Variants in AGAP1 observed in about 807,000 individuals in gnomAD.
The protein encoded by AGAP1 is arf-GAP with GTPase, ANK repeat and PH domain-containing protein 1.
A neutral mutation model predicts 105.3 loss-of-function variants in AGAP1; 29 were observed. The ratio of observed to expected loss-of-function variants is 0.28; its 90% confidence interval spans 0.21 to 0.38. AGAP1 has a LOEUF of 0.38. Ranked by LOEUF, AGAP1 falls within the 10% of genes least tolerant of loss-of-function variation. The pLI is 1.00. For missense variants in AGAP1, 998 were observed against 1,165.1 expected (o/e 0.86, Z 2.09); for synonymous variants, 509 against 485.9 (o/e 1.05, Z -0.63).
At position 236,123,552 on chromosome 2, in the gene AGAP1, A is replaced by C. The variant is rs983133481; in HGVS notation, c.2371-367A>C. Among the ~76,000 whole-genome samples, 4 of 152,022 alleles carry C rather than the reference A, an allele frequency of 2.6e-5. No homozygotes were observed. Among genetic ancestry groups the C allele is most frequent in the Non-Finnish European group, 4.4e-5 (3 of 67,986 alleles). On this transcript the variant is annotated intron_variant, in intron 17 of 17. Coordinates refer to ENST00000304032, the MANE Select transcript of AGAP1 (RefSeq NM_001037131.3). This position sits in a 1 kb window ranked among gnomAD's most constrained non-coding sequence, Gnocchi z 4.6. Reference sequence around the variant, plus strand: ...TTATGGGTGATTTTTTTTCTTCTTGAGCTGTTATGTGTTATTTGTGTATTT... The same window carrying C: ...TTATGGGTGATTTTTTTTCTTCTTGCGCTGTTATGTGTTATTTGTGTATTT...
chr2:236,085,826 T>C (rs2058915161), intron 16 of AGAP1, among the ~76,000 whole-genome samples: 2 of 152,214 alleles, frequency 1.3e-5, no homozygotes, highest in Admixed American at 6.5e-5. Context: ...CGGCTTCCTT[T>C]GTGAAGGCAA....
intron 8 of AGAP1, 69 bp from the exon 9 acceptor site, chr2:235,807,170 A>C: frequency 6.7e-7 from 1 of 1,497,844 alleles, no homozygotes; most frequent in Non-Finnish European, 9.1e-7. Context: ...GAATTCTGCA[A>C]ACAGGGGCAG....
Position 236,104,983 on chromosome 2 carries a change from T to C in AGAP1, c.2115-15209T>C, listed in dbSNP as rs1198593394. On this transcript the variant is annotated intron_variant, in intron 16 of 17. Coordinates refer to ENST00000304032, the MANE Select transcript of AGAP1 (RefSeq NM_001037131.3). The surrounding 1 kb of genome is among the most constrained non-coding windows in gnomAD (Gnocchi z 4.7). The stretch of plus-strand genomic sequence containing the variant: ...GGATGCCCGTCTAAGCCTGTGCCCA[T>C]AGCTCTGACTGGATTTCACCAACTC... 1.3e-5 allele frequency among the ~76,000 whole-genome samples: 2 copies of C among 151,964 alleles called. No homozygotes were observed. The highest frequency in any genetic ancestry group is 2.9e-5 in the Non-Finnish European group (2 of 68,024).
intron 13 of AGAP1, among the ~76,000 whole-genome samples, chr2:236,031,244 T>A (rs1192800674): frequency 6.6e-6 from 1 of 152,114 alleles, no homozygotes; most frequent in Admixed American, 6.5e-5. Flanking sequence ...GGAGGAACAT[T>A]AACTAAACTT....
intron 1 of AGAP1, among the ~76,000 whole-genome samples, chr2:235,693,027 TTCC>T (rs1949812922): frequency 1.3e-5 from 2 of 152,070 alleles, no homozygotes; most frequent in Non-Finnish European, 2.9e-5. Context: ...GAGTGTCAGA[TTCC>T]ACTTGCTGGC....
chr2:235,755,052 C>T (rs905909898), intron 6 of AGAP1, among the ~76,000 whole-genome samples: 1 of 152,104 alleles, frequency 6.6e-6, no homozygotes, highest in Non-Finnish European at 1.5e-5. Context: ...GCTGTGGGTA[C>T]CCAACCGTTT....
At chr2:235,500,028 A>G (rs1444196489) in intron 1 of AGAP1, among the ~76,000 whole-genome samples, 1 of 151,840 alleles carries the variant, frequency 6.6e-6, no homozygotes, top group Non-Finnish European at 1.5e-5. Context: ...CACCTTTTGG[A>G]TTTGGTGGGC....
rs879872106 is a variant in AGAP1, at chr2:235,692,577, C to G, written c.164-16602C>G. Among the ~76,000 whole-genome samples, 7 of 152,002 alleles carry G rather than the reference C, an allele frequency of 4.6e-5. No individual in the cohort carries two copies. Among genetic ancestry groups the G allele is most frequent in the South Asian group, 2.1e-4 (1 of 4,814 alleles). ...CTATGCTCTCCCCCCTTGCCCTCCC[C>G]CCTTGCCTTCCTGGGCCATCCTTTT... is the stretch of plus-strand genomic sequence containing the variant. On this transcript the variant is annotated intron_variant, in intron 1 of 17. Transcript: ENST00000304032. This position sits in a 1 kb window ranked among gnomAD's most constrained non-coding sequence, Gnocchi z 5.8.
At chr2:235,512,458 G>A (rs989335742) in intron 1 of AGAP1, among the ~76,000 whole-genome samples, 9 of 152,270 alleles carry the variant, frequency 5.9e-5, no homozygotes, top group South Asian at 4.1e-4. Context: ...ACCCAGGTGT[G>A]TTGGTGCTGC....
intron 12 of AGAP1, among the ~76,000 whole-genome samples, chr2:235,945,211 C>CT (rs1443044355): frequency 6.6e-6 from 1 of 152,210 alleles, no homozygotes; most frequent in Non-Finnish European, 1.5e-5. Flanking sequence ...CGCCATTCTC[C>CT]TGCCTCAGCC....
At chr2:235,575,887 G>A (rs1016004410) in intron 1 of AGAP1, among the ~76,000 whole-genome samples, 8 of 152,164 alleles carry the variant, frequency 5.3e-5, no homozygotes, top group East Asian at 3.9e-4. Context: ...GTCTGCTGTC[G>A]ACATCAGATA....
At chr2:235,657,940 G>C (rs1947827667) in intron 1 of AGAP1, among the ~76,000 whole-genome samples, 1 of 152,184 alleles carries the variant, frequency 6.6e-6, no homozygotes, top group Admixed American at 6.5e-5. Flanking sequence ...ACAGGGGGAA[G>C]ACGGCATGTC....
chr2:236,006,154 GATTATT>G (rs2056315603), intron 13 of AGAP1, among the ~76,000 whole-genome samples: 1 of 151,846 alleles, frequency 6.6e-6, no homozygotes, highest in South Asian at 2.1e-4. Context: ...CTGTGGCCCA[GATTATT>G]CCACCCGTGG....
chr2:235,909,044 C>T (rs1254050512), intron 11 of AGAP1, 138 bp downstream of exon 11: 16 of 837,322 alleles, frequency 1.9e-5, no homozygotes, highest in Non-Finnish European at 2.7e-5. Flanking sequence ...AACCTGATCA[C>T]TTCTGTGGCT....
rs1175638631 is a variant in AGAP1 at position 236,092,986 on chromosome 2, A to G, written c.2115-27206A>G. On this transcript the variant is annotated intron_variant, in intron 16 of 17. Coordinates refer to ENST00000304032, the MANE Select transcript of AGAP1 (RefSeq NM_001037131.3). This position sits in a 1 kb window ranked among gnomAD's most constrained non-coding sequence, Gnocchi z 4.7. The stretch of plus-strand genomic sequence containing the variant: ...TGGAACAATTGAAGCATCTAAAAGA[A>G]TAGTGTTGGTGGCAGTTTATGTGAC... 6.6e-6 allele frequency among the ~76,000 whole-genome samples: 1 copy of G among 152,222 alleles called. No individual in the cohort carries two copies. Among genetic ancestry groups the G allele is most frequent in the African/African-American group, 2.4e-5 (1 of 41,460 alleles).
intron 12 of AGAP1, among the ~76,000 whole-genome samples, chr2:235,941,019 G>A (rs2053234529): frequency 6.6e-6 from 1 of 152,204 alleles, no homozygotes; most frequent in Non-Finnish European, 1.5e-5. Flanking sequence ...GATTCTGCCA[G>A]TTTTATATGA....
At chr2:235,683,863 C>G (rs1045593830) in intron 1 of AGAP1, among the ~76,000 whole-genome samples, 1 of 150,836 alleles carries the variant, frequency 6.6e-6, no homozygotes. Context: ...CCGTCCCCCG[C>G]CCGGCCCCAG....
chr2:235,882,580 A>T lies in AGAP1; in HGVS notation c.1051-765A>T. ...CTGGGTTCAAGCAATTCCCCTGCTCAGCCTCCCCGAGTAGCTGGGATTATA... is the reference window on the plus strand; with the variant it reads ...CTGGGTTCAAGCAATTCCCCTGCTCTGCCTCCCCGAGTAGCTGGGATTATA... On this transcript the variant is annotated intron_variant, in intron 9 of 17. Transcript: ENST00000304032. This position sits in a 1 kb window ranked among gnomAD's most constrained non-coding sequence, Gnocchi z 4.6. 1.8e-6 allele frequency: 1 copy of T among 553,300 alleles called. No homozygotes were observed. Among genetic ancestry groups the T allele is most frequent in the Non-Finnish European group, 3.2e-6 (1 of 315,182 alleles). 34.3% of individuals were successfully genotyped at this position (553,300 alleles called of 1,614,324 possible). A position where few individuals can be genotyped will look rare whatever the true frequency, so the allele number is the denominator to read the frequency against.
Position 235,663,733 on chromosome 2 carries a change from C to T in AGAP1, c.164-45446C>T, listed in dbSNP as rs940961333. On this transcript the variant is annotated intron_variant, in intron 1 of 17. Coordinates refer to ENST00000304032, the MANE Select transcript of AGAP1 (RefSeq NM_001037131.3). The surrounding 1 kb of genome is among the most constrained non-coding windows in gnomAD (Gnocchi z 5.4). ...CTCTGACAGTTCGTGATATTCGTTC[C>T]TACTCCAGGAAGCTCTTAGGAGAAT... Among the ~76,000 whole-genome samples, 17 of 152,134 alleles carry T rather than the reference C, an allele frequency of 1.1e-4. No homozygotes were observed. The highest frequency in any genetic ancestry group is 3.9e-4 in the African/African-American group (16 of 41,436).
Sources: gnomAD v4.1 joint callset for allele counts (sites outside exome capture counted in the v4.1 genomes callset) on GRCh38, gnomAD v4.1.1 for gene constraint, Gnocchi (gnomAD v3.1) non-coding constraint, MANE v1.5 for transcripts, NCBI Gene and HGNC (gene_info 2026-07-23, HGNC 2026-07-21) for gene names.